TBC1D22A: variants seen among roughly 807,000 people sequenced by gnomAD.
The protein encoded by TBC1D22A is putative GTPase activator.
In TBC1D22A, 38 loss-of-function variants were observed where a neutral mutation model predicts 60.2. The observed-to-expected ratio is 0.63, with a 90% CI of 0.49 to 0.83. The LOEUF is 0.83. Among genes scored for constraint, TBC1D22A ranks in the 40% least tolerant of loss-of-function variants. The pLI, the probability that TBC1D22A is intolerant of heterozygous loss-of-function variation, is 0.00. For synonymous variants in TBC1D22A, 302 were observed against 281.7 expected, an observed-to-expected ratio of 1.07 and a Z score of -0.72; for missense variants, 628 against 701.0, an observed-to-expected ratio of 0.90 and a Z score of 1.18.
chr22:47,034,115 G>A (rs966570819), intron 10 of TBC1D22A, among the ~76,000 whole-genome samples: 1 of 150,944 alleles, frequency 6.6e-6, no homozygotes, highest in African/African-American at 2.5e-5. Flanking sequence ...TTTTGGTAGT[G>A]AAATTAGTTT....
chr22:47,030,973 G>A (rs550344295), intron 10 of TBC1D22A, among the ~76,000 whole-genome samples: 7 of 152,332 alleles, frequency 4.6e-5, no homozygotes, highest in South Asian at 2.1e-4. Context: ...GAGAAGCCAC[G>A]GAGTCGTGCT....
chr22:47,069,658 C>T (rs1048289419), intron 11 of TBC1D22A, among the ~76,000 whole-genome samples: 5 of 148,060 alleles, frequency 3.4e-5, no homozygotes, highest in African/African-American at 1.3e-4. Context: ...GTGGAGCTGA[C>T]TTGACGGTTC....
At chr22:46,977,315 A>C (rs935231026) in intron 9 of TBC1D22A, among the ~76,000 whole-genome samples, 1 of 151,996 alleles carries the variant, frequency 6.6e-6, no homozygotes, top group African/African-American at 2.4e-5. Context: ...TGTTTTCAGT[A>C]ATTAGTTAAC....
At chr22:46,814,330 A>G (rs2085502330) in intron 4 of TBC1D22A, among the ~76,000 whole-genome samples, 1 of 152,166 alleles carries the variant, frequency 6.6e-6, no homozygotes, top group African/African-American at 2.4e-5. Context: ...TGTTTGACAG[A>G]TGAGGAAACT....
chr22:47,119,539 C>T (rs901731265), intron 12 of TBC1D22A, among the ~76,000 whole-genome samples: 25 of 151,890 alleles, frequency 1.6e-4, no homozygotes, highest in Non-Finnish European at 2.8e-4. Context: ...CACTGTCACC[C>T]GGGCTGGTGT....
At chr22:46,801,814 C>T (rs1238229583) in intron 4 of TBC1D22A, among the ~76,000 whole-genome samples, 1 of 152,218 alleles carries the variant, frequency 6.6e-6, no homozygotes, top group Non-Finnish European at 1.5e-5. Flanking sequence ...TGAGGGGTGA[C>T]CATCCAGTCT....
chr22:46,813,547 C>T (rs1472007186), intron 4 of TBC1D22A, among the ~76,000 whole-genome samples: 1 of 152,140 alleles, frequency 6.6e-6, no homozygotes, highest in Non-Finnish European at 1.5e-5. Context: ...CATTCAATTA[C>T]AATATGTAGT....
intron 12 of TBC1D22A, among the ~76,000 whole-genome samples, chr22:47,114,185 G>A (rs1211490076): frequency 2.0e-5 from 3 of 151,992 alleles, no homozygotes; most frequent in Non-Finnish European, 4.4e-5. Context: ...CTCTGAGCCC[G>A]GCCTACTTAA....
At chr22:46,933,438 A>G (rs528451477) in intron 8 of TBC1D22A, among the ~76,000 whole-genome samples, 1 of 152,314 alleles carries the variant, frequency 6.6e-6, no homozygotes, top group South Asian at 2.1e-4. Flanking sequence ...ATGGAGATGA[A>G]TTGAGGTGTG....
chr22:46,797,229 G>A lies in TBC1D22A; in HGVS notation c.461-215G>A, dbSNP rs1279493093. Among the ~76,000 whole-genome samples, 7 of 152,340 alleles carry A rather than the reference G, an allele frequency of 4.6e-5. No individual in the cohort carries two copies. In the South Asian group the frequency reaches 1.0e-3, roughly 23 times the overall value. ...CATTGTGTTGCTTTTATGCAAGGTG[G>A]TCCATTTTGTTGGTGAATAATACTC... On this transcript the variant is annotated intron_variant, in intron 3 of 12. Coordinates refer to ENST00000337137, the MANE Select transcript of TBC1D22A (RefSeq NM_014346.5).
At chr22:47,166,832 G>C (rs2068226837) in intron 12 of TBC1D22A, among the ~76,000 whole-genome samples, 1 of 152,252 alleles carries the variant, frequency 6.6e-6, no homozygotes, top group Non-Finnish European at 1.5e-5. Context: ...GGAGGAGAGA[G>C]GCCGGGGTAC....
chr22:46,895,055 A>G (rs1172075291), intron 7 of TBC1D22A, among the ~76,000 whole-genome samples: 1 of 152,204 alleles, frequency 6.6e-6, no homozygotes, highest in Non-Finnish European at 1.5e-5. Flanking sequence ...ATTGACACAC[A>G]GCGAAGAATG....
At chr22:46,886,345 G>T (rs2068116014) in intron 5 of TBC1D22A, among the ~76,000 whole-genome samples, 2 of 152,178 alleles carry the variant, frequency 1.3e-5, no homozygotes, top group African/African-American at 2.4e-5. Context: ...AGTGCATCTT[G>T]GCAGCTAGGC....
chr22:47,105,428 C>G (rs140449088), intron 11 of TBC1D22A, among the ~76,000 whole-genome samples: 3 of 152,276 alleles, frequency 2.0e-5, no homozygotes, highest in African/African-American at 7.2e-5. Flanking sequence ...GTTAGGGGAG[C>G]AACATCAAAG....
chr22:46,796,136 C>T (rs901502908), intron 3 of TBC1D22A, among the ~76,000 whole-genome samples: 2 of 151,992 alleles, frequency 1.3e-5, no homozygotes, highest in Non-Finnish European at 2.9e-5. Context: ...GGAGGAGATC[C>T]TCCTGGGGGT....
intron 1 of TBC1D22A, among the ~76,000 whole-genome samples, chr22:46,774,783 C>G (rs896462225): frequency 1.3e-5 from 2 of 152,214 alleles, no homozygotes; most frequent in Non-Finnish European, 2.9e-5. Context: ...TCTGTTCCCA[C>G]GGGTCCCTCC....
chr22:46,842,571 G>A (rs904009782), intron 4 of TBC1D22A, among the ~76,000 whole-genome samples: 18 of 152,212 alleles, frequency 1.2e-4, no homozygotes, highest in African/African-American at 4.3e-4. Context: ...ACTTGATTTA[G>A]GGTTTTCGTG....
intron 9 of TBC1D22A, among the ~76,000 whole-genome samples, chr22:46,975,467 G>A (rs1474054533): frequency 6.6e-6 from 1 of 152,178 alleles, no homozygotes; most frequent in Non-Finnish European, 1.5e-5. Context: ...ATCATCACGG[G>A]TGTTCGCATG....
chr22:47,021,978 A>C (rs1453715569), intron 10 of TBC1D22A, among the ~76,000 whole-genome samples: 2 of 152,202 alleles, frequency 1.3e-5, no homozygotes, highest in Non-Finnish European at 2.9e-5. Context: ...TGAGGGTCTC[A>C]GAAGGGTCCC....
Sources: allele counts gnomAD v4.1 joint callset (sites outside exome capture counted in the v4.1 genomes callset), GRCh38; gene constraint gnomAD v4.1.1; transcripts MANE v1.5; gene names NCBI Gene and HGNC (gene_info 2026-07-23, HGNC 2026-07-21).